The following BEND5 variants were observed in gnomAD, a reference collection of about 807,000 sequenced individuals.
The protein encoded by BEND5 is BEN domain-containing protein 5.
Under a neutral mutation model 43.9 loss-of-function variants are expected in BEND5, and 22 were observed. The observed-to-expected ratio is 0.50, with a 90% CI of 0.36 to 0.72. The LOEUF is 0.72. BEND5 is among the 30% of genes least tolerant of loss of function. The pLI, the probability that BEND5 is intolerant of heterozygous loss-of-function variation, is 0.00. For missense variants in BEND5, 428 were observed against 550.6 expected, an observed-to-expected ratio of 0.78 and a Z score of 2.23; for synonymous variants, 228 against 225.9, an observed-to-expected ratio of 1.01 and a Z score of -0.08.
chr1:48,742,207 T>C (rs1650021846), intron 4 of BEND5, among the ~76,000 whole-genome samples: 1 of 152,200 alleles, frequency 6.6e-6, no homozygotes, highest in Non-Finnish European at 1.5e-5. Flanking sequence ...AAGTGGTGAA[T>C]GAACACAAAC....
intron 4 of BEND5, among the ~76,000 whole-genome samples, chr1:48,741,918 A>G (rs1019092484): frequency 6.6e-6 from 1 of 152,248 alleles, no homozygotes; most frequent in African/African-American, 2.4e-5. Flanking sequence ...TGTTAGAAGA[A>G]TGTCAGAAAA....
intron 5 of BEND5, among the ~76,000 whole-genome samples, chr1:48,731,464 A>G (rs1035707919): frequency 6.6e-5 from 10 of 152,200 alleles, no homozygotes; most frequent in African/African-American, 2.4e-4. Flanking sequence ...CTAGGAGGCA[A>G]AGATACAGTA....
chr1:48,744,996 A>AG (rs5774019), intron 3 of BEND5, among the ~76,000 whole-genome samples: 102 of 152,120 alleles, frequency 6.7e-4, no homozygotes, highest in African/African-American at 2.2e-3. Context: ...ACTCCCAGGT[A>AG]GGGGGGGTCT....
chr1:48,748,220 A>G (rs1651070195), intron 3 of BEND5, among the ~76,000 whole-genome samples: 1 of 152,206 alleles, frequency 6.6e-6, no homozygotes, highest in South Asian at 2.1e-4. Context: ...GCTGGGTAGG[A>G]GGATCCCCCT....
At chr1:48,749,794 T>C (rs1651376468) in intron 3 of BEND5, among the ~76,000 whole-genome samples, 1 of 152,180 alleles carries the variant, frequency 6.6e-6, no homozygotes, top group African/African-American at 2.4e-5. Context: ...CCTGCCCAAC[T>C]ATCTGTGCCC....
chr1:48,771,633 C>T (rs745981147), intron 1 of BEND5, among the ~76,000 whole-genome samples: 3 of 152,222 alleles, frequency 2.0e-5, no homozygotes, highest in African/African-American at 7.2e-5. Context: ...AAAGTTTTCA[C>T]TCACTTTTTT....
intron 5 of BEND5, among the ~76,000 whole-genome samples, chr1:48,734,735 C>A (rs7538861): frequency 0.73 from 110,547 of 152,118 alleles, 41,185 homozygotes; most frequent in Middle Eastern, 0.85. Flanking sequence ...CTCAAACAGA[C>A]CTTCTCCAAC....
chr1:48,733,410 C>A (rs892524932), intron 5 of BEND5, among the ~76,000 whole-genome samples: 1 of 151,954 alleles, frequency 6.6e-6, no homozygotes, highest in African/African-American at 2.4e-5. Context: ...TGTGATGCCT[C>A]AAAACTGTGG....
chr1:48,762,613 T>TG (rs1451539906), intron 1 of BEND5, among the ~76,000 whole-genome samples: 18 of 73,722 alleles, frequency 2.4e-4, no homozygotes, highest in African/African-American at 7.3e-4. Context: ...CTTTAAGGGT[T>TG]TTGTGTGTGT....
intron 1 of BEND5, among the ~76,000 whole-genome samples, chr1:48,776,152 T>C (rs1301455186): frequency 6.6e-6 from 1 of 150,806 alleles, no homozygotes; most frequent in Non-Finnish European, 1.5e-5. Context: ...TCCAAGGAGG[T>C]ACCAACAGCC....
intron 3 of BEND5, among the ~76,000 whole-genome samples, chr1:48,757,699 A>G (rs1490250984): frequency 6.6e-6 from 1 of 152,274 alleles, no homozygotes; most frequent in Admixed American, 6.5e-5. Flanking sequence ...ACCTACAAAT[A>G]TAAGTAAATT....
At chr1:48,761,038 C>T in intron 2 of BEND5, 1 of 284,460 alleles carries the variant, frequency 3.5e-6, no homozygotes, top group East Asian at 7.1e-5. Flanking sequence ...AGTGACCTCT[C>T]CAGAGCTGTG....
rs1557922391 is a variant in BEND5, at chr1:48,736,121, C to T, written c.1108+118G>A. ...ATCCGCTTGGTGTCCCCGGGCTCAG[C>T]CCAGGGTCTGGCATGCAGAAGCTTC... On this transcript the variant is annotated intron_variant, in intron 5 of 5. Transcript: ENST00000371833. The surrounding 1 kb of genome is among the most constrained non-coding windows in gnomAD (Gnocchi z 4.0). 2 of 1,210,574 alleles carry T rather than the reference C, an allele frequency of 1.7e-6. No homozygotes were observed. Among genetic ancestry groups the T allele is most frequent in the Non-Finnish European group, 2.4e-6 (2 of 837,714 alleles). 75.0% of individuals were successfully genotyped at this position (1,210,574 alleles called of 1,614,324 possible).
chr1:48,751,119 T>C (rs959850753), intron 3 of BEND5, among the ~76,000 whole-genome samples: 2 of 152,174 alleles, frequency 1.3e-5, no homozygotes, highest in African/African-American at 4.8e-5. Flanking sequence ...ATCTATAAGA[T>C]AGGGGTGAAA....
chr1:48,748,946 G>A (rs2148620683), intron 3 of BEND5, among the ~76,000 whole-genome samples: 1 of 152,208 alleles, frequency 6.6e-6, no homozygotes, highest in East Asian at 1.9e-4. Context: ...TGAGATCCCA[G>A]CAGCTGACAC....
At chr1:48,738,389 C>T (rs538848498) in intron 4 of BEND5, among the ~76,000 whole-genome samples, 1 of 152,218 alleles carries the variant, frequency 6.6e-6, no homozygotes, top group Non-Finnish European at 1.5e-5. Context: ...AGATAAGCAG[C>T]CTTGGAGTGA....
At chr1:48,728,873 A>C (rs535645497) in intron 5 of BEND5, among the ~76,000 whole-genome samples, 1 of 152,342 alleles carries the variant, frequency 6.6e-6, no homozygotes, top group Admixed American at 6.5e-5. Flanking sequence ...CACATTATTA[A>C]GGTTCTGACA....
rs999951604 is a variant in BEND5, at chr1:48,727,783, C to G, written c.*103G>C. 4 of 1,161,020 alleles carry G rather than the reference C, an allele frequency of 3.4e-6. No homozygotes were observed. The highest frequency in any genetic ancestry group is 5.0e-6 in the Non-Finnish European group (4 of 806,334). The allele number at this position is 1,161,020 out of a possible 1,614,324, so 71.9% of individuals were successfully genotyped here. On this transcript the variant is annotated 3_prime_UTR_variant, in exon 6 of 6. Transcript: ENST00000371833. ...CCCCAGAACCCGATGGATCCCTGCACACACACCACCATGCACGGTGGGGTC... is the reference window on the plus strand; with the variant it reads ...CCCCAGAACCCGATGGATCCCTGCAGACACACCACCATGCACGGTGGGGTC...
intron 5 of BEND5, among the ~76,000 whole-genome samples, chr1:48,730,875 CA>C (rs1648012262): frequency 6.6e-6 from 1 of 152,180 alleles, no homozygotes; most frequent in Admixed American, 6.5e-5. Context: ...AGACACTCCA[CA>C]AAAGGTCATT....
Sources: allele counts gnomAD v4.1 joint callset (sites outside exome capture counted in the v4.1 genomes callset), GRCh38; gene constraint gnomAD v4.1.1; non-coding constraint Gnocchi (gnomAD v3.1); transcripts MANE v1.5; gene names NCBI Gene and HGNC (gene_info 2026-07-23, HGNC 2026-07-21).